SEMA3D: variants seen among roughly 807,000 people sequenced by gnomAD.
SEMA3D encodes the protein semaphorin 3D.
Under a neutral mutation model 100.1 loss-of-function variants are expected in SEMA3D, and 84 were observed. The observed-to-expected ratio is 0.84, with a 90% CI of 0.70 to 1.01. The LOEUF is 1.01. SEMA3D is among the 50% of genes least tolerant of loss of function. The pLI is 0.00. For synonymous variants in SEMA3D, 312 were observed against 320.7 expected, an observed-to-expected ratio of 0.97 and a Z score of 0.29; for missense variants, 875 against 934.1, an observed-to-expected ratio of 0.94 and a Z score of 0.82.
intron 1 of SEMA3D, among the ~76,000 whole-genome samples, chr7:85,184,032 A>G (rs1238810828): frequency 6.6e-6 from 1 of 152,150 alleles, no homozygotes; most frequent in East Asian, 1.9e-4. Flanking sequence ...TAATTCCTAC[A>G]AAGGAAAATG....
intron 3 of SEMA3D, among the ~76,000 whole-genome samples, chr7:85,102,168 C>T (rs1788767499): frequency 6.6e-6 from 1 of 151,822 alleles, no homozygotes; most frequent in African/African-American, 2.4e-5. Context: ...TATACATCAC[C>T]TTCTAAAAGG....
In SEMA3D at chr7:85,158,064, A is replaced by G. The variant is rs1214897943; in HGVS notation, c.-172-4325T>C. Among the ~76,000 whole-genome samples the G allele has an allele frequency of 3.3e-5, 5 of 152,162 alleles. No homozygotes were observed. The East Asian group carries it at 9.7e-4, about 29-fold the overall frequency. On this transcript the variant is annotated intron_variant, in intron 1 of 18. Coordinates refer to ENST00000284136, the MANE Select transcript of SEMA3D (RefSeq NM_001384900.1). Reference sequence around the variant, plus strand: ...CATCTTCGCAAGCTGAGGAGGATGTATGTCACCTCAGGACCGTGTGATTAT... The same window carrying G: ...CATCTTCGCAAGCTGAGGAGGATGTGTGTCACCTCAGGACCGTGTGATTAT...
At chr7:85,215,207 C>G in the SEMA3D span, among the ~76,000 whole-genome samples, 6 of 151,546 alleles carry the variant, frequency 4.0e-5, no homozygotes, top group East Asian at 1.2e-3. Flanking sequence ...AATTGCCCTG[C>G]ACTCATTAAC....
intron 2 of SEMA3D, among the ~76,000 whole-genome samples, chr7:85,132,206 C>T (rs554511634): frequency 1.6e-4 from 24 of 151,530 alleles, no homozygotes; most frequent in Non-Finnish European, 3.4e-4. Context: ...TTTATAATAC[C>T]CTGTGATTAT....
intron 16 of SEMA3D, among the ~76,000 whole-genome samples, chr7:85,014,367 G>A (rs1159674956): frequency 6.6e-6 from 1 of 151,700 alleles, no homozygotes; most frequent in Non-Finnish European, 1.5e-5. Context: ...CATTCATATT[G>A]TTTCCAGTTA....
chr7:85,155,005 T>G (rs1304048416), intron 1 of SEMA3D, among the ~76,000 whole-genome samples: 1 of 152,180 alleles, frequency 6.6e-6, no homozygotes, highest in Non-Finnish European at 1.5e-5. Context: ...TTTTTCAAAT[T>G]GATTGCTTTA....
At chr7:85,036,292 A>G (rs1251961641) in intron 12 of SEMA3D, among the ~76,000 whole-genome samples, 2 of 152,120 alleles carry the variant, frequency 1.3e-5, no homozygotes, top group African/African-American at 2.4e-5. Context: ...ACAATTGTAT[A>G]AACTCTAAAA....
intron 2 of SEMA3D, among the ~76,000 whole-genome samples, chr7:85,144,094 C>T (rs1247628524): frequency 6.6e-6 from 1 of 151,748 alleles, no homozygotes; most frequent in African/African-American, 2.4e-5. Context: ...ATATTTAATC[C>T]AATATATAAT....
the SEMA3D span, among the ~76,000 whole-genome samples, chr7:85,235,607 T>A: frequency 8.2e-4 from 125 of 152,256 alleles, no homozygotes; most frequent in African/African-American, 2.9e-3. Context: ...TGGAGCTAAT[T>A]GAAATGGTAA....
At chr7:85,202,182 A>G in the SEMA3D span, among the ~76,000 whole-genome samples, 2 of 146,354 alleles carry the variant, frequency 1.4e-5, no homozygotes, top group Non-Finnish European at 3.0e-5. Flanking sequence ...AGCATTAGGT[A>G]TATCTCCCAG....
At chr7:85,113,415 A>G (rs1206961055) in intron 3 of SEMA3D, among the ~76,000 whole-genome samples, 3 of 152,066 alleles carry the variant, frequency 2.0e-5, no homozygotes, top group African/African-American at 4.8e-5. Flanking sequence ...AGTCTTCATT[A>G]AAGAGTATTA....
At chr7:85,187,311 C>T (rs1169155699), upstream of SEMA3D, among the ~76,000 whole-genome samples, 2 of 152,208 alleles carry the variant, frequency 1.3e-5, no homozygotes, top group Non-Finnish European at 2.9e-5. Context: ...GACTTGGGGA[C>T]TTCTTTAGTT....
At position 85,028,610 on chromosome 7, in the gene SEMA3D, C is replaced by T. The variant is rs116333383; in HGVS notation, c.1192-5997G>A. On this transcript the variant is annotated intron_variant, in intron 12 of 18. Coordinates refer to ENST00000284136, the MANE Select transcript of SEMA3D (RefSeq NM_001384900.1). Reference sequence around the variant, plus strand: ...GACACCGTGAGAACAAGAGAGCTGTCTGGCACCTCTATACTGCTTGTGAAC... The same window carrying T: ...GACACCGTGAGAACAAGAGAGCTGTTTGGCACCTCTATACTGCTTGTGAAC... 642 of 242,304 alleles carry T rather than the reference C, an allele frequency of 2.6e-3. 5 individuals are homozygous for T. The highest frequency in any genetic ancestry group is 0.014 in the African/African-American group (614 of 42,626). The allele number at this position is 242,304 out of a possible 1,614,324, so 15.0% of individuals were successfully genotyped here. A position where few individuals can be genotyped will look rare whatever the true frequency, so the allele number is the denominator to read the frequency against.
chr7:85,037,472 T>C (rs1237438493), intron 11 of SEMA3D, among the ~76,000 whole-genome samples: 2 of 152,152 alleles, frequency 1.3e-5, no homozygotes, highest in Admixed American at 1.3e-4. Context: ...GCTTACAAAA[T>C]AAAAAGTGAC....
the SEMA3D span, among the ~76,000 whole-genome samples, chr7:85,218,844 A>C: frequency 5.3e-3 from 807 of 152,238 alleles, 6 homozygotes; most frequent in African/African-American, 0.019. Flanking sequence ...GGCTTGTTTA[A>C]AATGTGGGTA....
intron 1 of SEMA3D, among the ~76,000 whole-genome samples, chr7:85,175,211 A>T (rs1325040530): frequency 1.3e-5 from 2 of 152,170 alleles, no homozygotes; most frequent in African/African-American, 4.8e-5. Flanking sequence ...GTACACTATT[A>T]ACTTCTGAAA....
At position 84,999,641 on chromosome 7, in the gene SEMA3D, C is replaced by T. The variant is rs527812294; in HGVS notation, c.2133G>A (p.Leu711=). Residue 711 remains leucine, a synonymous_variant, in exon 19 of 19, where the codon TTG becomes TTA. Coordinates refer to ENST00000284136, the MANE Select transcript of SEMA3D (RefSeq NM_001384900.1). ...KVKDLLAESR[L]RYKDYIQILS... Reference sequence around the variant, plus strand: ...GGATTTGGATGTAGTCTTTGTATCTCAACCGTGACTCAGCCAATAGATCCT... The same window carrying T: ...GGATTTGGATGTAGTCTTTGTATCTTAACCGTGACTCAGCCAATAGATCCT... 3.7e-6 allele frequency: 6 copies of T among 1,614,032 alleles called. No homozygotes were observed. The African/African-American group carries it at 8.0e-5, about 22-fold the overall frequency.
intron 12 of SEMA3D, among the ~76,000 whole-genome samples, chr7:85,036,065 A>G (rs545046764): frequency 6.6e-6 from 1 of 152,162 alleles, no homozygotes; most frequent in African/African-American, 2.4e-5. Flanking sequence ...TATTTTCCTC[A>G]GATATTTTGG....
At chr7:85,021,501 A>T (rs1398888612) in intron 13 of SEMA3D, among the ~76,000 whole-genome samples, 1 of 151,828 alleles carries the variant, frequency 6.6e-6, no homozygotes, top group Non-Finnish European at 1.5e-5. Context: ...ACAATCAATG[A>T]CAAAGGTCCT....
Sources: allele counts gnomAD v4.1 joint callset (sites outside exome capture counted in the v4.1 genomes callset), GRCh38; gene constraint gnomAD v4.1.1; transcripts MANE v1.5; gene names NCBI Gene and HGNC (gene_info 2026-07-23, HGNC 2026-07-21).